The following CDK7 variants were observed in gnomAD, a reference collection of about 807,000 sequenced individuals.
CDK7 encodes the protein cyclin-dependent kinase 7.
CDK7 carries 25 observed loss-of-function variants against 49.1 expected under a neutral mutation model. That is an observed-to-expected ratio of 0.51 (90% confidence interval 0.37 to 0.71). CDK7 has a LOEUF of 0.71. CDK7 is among the 30% of genes least tolerant of loss of function. CDK7 has a pLI of 0.00. For missense variants in CDK7, 316 were observed against 411.7 expected (o/e 0.77, Z 2.01); for synonymous variants, 107 against 140.0 (o/e 0.76, Z 1.67).
At chr5:69,236,239 T>TAAA (rs35402446) in intron 2 of CDK7, among the ~76,000 whole-genome samples, 1 of 136,642 alleles carries the variant, frequency 7.3e-6, no homozygotes, top group African/African-American at 2.6e-5. Context: ...GACTCCATCT[T>TAAA]AAAAAAAAAA....
intron 5 of CDK7, among the ~76,000 whole-genome samples, chr5:69,257,261 G>A (rs1177024750): frequency 6.6e-6 from 1 of 152,112 alleles, no homozygotes; most frequent in African/African-American, 2.4e-5. Flanking sequence ...GTGGTTACAT[G>A]ACTGGATGCA....
chr5:69,262,591 C>T (rs1750900488), intron 8 of CDK7, among the ~76,000 whole-genome samples: 1 of 151,326 alleles, frequency 6.6e-6, no homozygotes, highest in Non-Finnish European at 1.5e-5. Flanking sequence ...ATCGCTTGAA[C>T]CTGGGAGGCA....
chr5:69,252,576 C>G (rs1200380730), intron 3 of CDK7, 125 bp downstream of exon 3: 1 of 604,530 alleles, frequency 1.7e-6, no homozygotes, highest in Non-Finnish European at 2.8e-6. Flanking sequence ...GAGACACAAT[C>G]GTAGCTCACT....
At chr5:69,242,338 A>G (rs2171148) in intron 2 of CDK7, among the ~76,000 whole-genome samples, 91,603 of 151,856 alleles carry the variant, frequency 0.6, 28,160 homozygotes, top group African/African-American at 0.72. Context: ...AAAATTGTAG[A>G]GAGTTGAAAC....
At chr5:69,253,153 AT>A (rs1750259144) in intron 3 of CDK7, among the ~76,000 whole-genome samples, 4 of 152,202 alleles carry the variant, frequency 2.6e-5, no homozygotes, top group Non-Finnish European at 4.4e-5. Flanking sequence ...ACATGAGGAA[AT>A]TATTTCATTA....
At chr5:69,260,494 T>C (rs191082056) in intron 7 of CDK7, among the ~76,000 whole-genome samples, 1 of 152,370 alleles carries the variant, frequency 6.6e-6, no homozygotes, top group African/African-American at 2.4e-5. Flanking sequence ...GAACAATTTA[T>C]ACTTTAACAT....
At chr5:69,240,774 C>A (rs1749315134) in intron 2 of CDK7, among the ~76,000 whole-genome samples, 2 of 152,094 alleles carry the variant, frequency 1.3e-5, no homozygotes, top group Admixed American at 1.3e-4. Flanking sequence ...ATTACAGACA[C>A]ATGCCACCAC....
At chr5:69,253,944 C>CA (rs1191240493) in intron 3 of CDK7, among the ~76,000 whole-genome samples, 1 of 151,754 alleles carries the variant, frequency 6.6e-6, no homozygotes, top group Non-Finnish European at 1.5e-5. Context: ...AACGAAAATA[C>CA]AAAAAATTAG....
intron 5 of CDK7, among the ~76,000 whole-genome samples, chr5:69,256,503 A>G (rs547696423): frequency 2.4e-4 from 36 of 151,920 alleles, no homozygotes; most frequent in Non-Finnish European, 4.7e-4. Context: ...ACAAGCGCCC[A>G]TCACCATGCC....
At chr5:69,256,663 A>G (rs911675696) in intron 5 of CDK7, among the ~76,000 whole-genome samples, 11 of 152,114 alleles carry the variant, frequency 7.2e-5, no homozygotes, top group African/African-American at 2.7e-4. Flanking sequence ...ATAAATACCT[A>G]GCAGTGGTAT....
At chr5:69,244,397 C>T (rs1045629692) in intron 2 of CDK7, among the ~76,000 whole-genome samples, 1 of 151,912 alleles carries the variant, frequency 6.6e-6, no homozygotes, top group Non-Finnish European at 1.5e-5. Context: ...GTGGCTCATG[C>T]CTGTAATACC....
intron 3 of CDK7, among the ~76,000 whole-genome samples, chr5:69,252,921 G>C (rs1750245618): frequency 6.6e-6 from 1 of 152,190 alleles, no homozygotes; most frequent in African/African-American, 2.4e-5. Flanking sequence ...ACTCAGCATA[G>C]AGAAGGAGTA....
At position 69,277,284 on chromosome 5, in the gene CDK7, T is replaced by TA; in HGVS notation, c.*152dup. ...ATGTAAAACTATGGGTTATTTTTAT[T>TA]AAATGTATTTTAAAATAAAAATTTA... On this transcript the variant is annotated 3_prime_UTR_variant, in exon 12 of 12. Transcript: ENST00000256443. 1 of 457,736 alleles carries TA rather than the reference T, an allele frequency of 2.2e-6. No individual in the cohort carries two copies. The highest frequency in any genetic ancestry group is 3.8e-6 in the Non-Finnish European group (1 of 261,350). 28.4% of individuals were successfully genotyped at this position (457,736 alleles called of 1,614,324 possible).
At position 69,234,891 on chromosome 5, in the gene CDK7, G is replaced by A. The variant is rs1748836405; in HGVS notation, c.-85G>A. 2.3e-6 allele frequency: 3 copies of A among 1,318,888 alleles called. No homozygotes were observed. The highest frequency in any genetic ancestry group is 2.0e-5 in the Admixed American group (1 of 49,870). The allele number at this position is 1,318,888 out of a possible 1,614,324, so 81.7% of individuals were successfully genotyped here. ...GACGGAGCCCGGTGGACGGAAGTGG[G>A]TGTTGGAGGCTTTAAGGTAGCTTTA... On this transcript the variant is annotated 5_prime_UTR_variant, in exon 1 of 12. It adds an upstream start codon to the 5' untranslated region. Transcript: ENST00000256443.
In CDK7 at chr5:69,248,803, T is replaced by C. The variant is rs1291294907; in HGVS notation, c.127-3615T>C. ...TAACCTTCTTTTCTTTTTTTTTTTCTTTTTTTTTTTTTTTTTGGAGACGGA... is the reference window on the plus strand; with the variant it reads ...TAACCTTCTTTTCTTTTTTTTTTTCCTTTTTTTTTTTTTTTTGGAGACGGA... On this transcript the variant is annotated intron_variant, in intron 2 of 11. Coordinates refer to ENST00000256443, the MANE Select transcript of CDK7 (RefSeq NM_001799.4). Among the ~76,000 whole-genome samples the C allele has an allele frequency of 7.5e-3, 404 of 54,062 alleles. 2 individuals carry two copies. Among genetic ancestry groups the C allele is most frequent in the Non-Finnish European group, 0.014 (334 of 24,330 alleles). 35.5% of individuals were successfully genotyped at this position (54,062 alleles called of 152,430 possible).
intron 2 of CDK7, among the ~76,000 whole-genome samples, chr5:69,242,772 G>A (rs1005172337): frequency 2.6e-5 from 4 of 152,114 alleles, no homozygotes; most frequent in Non-Finnish European, 5.9e-5. Context: ...AGGGCCAGGC[G>A]CAGTGGCTCA....
chr5:69,234,850 G>C, upstream of CDK7: 1 of 937,030 alleles, frequency 1.1e-6, no homozygotes, highest in South Asian at 1.5e-5. Flanking sequence ...CGGAAGTGAG[G>C]CGGGGATACT....
Position 69,261,768 on chromosome 5 carries a change from A to T in CDK7, c.528-437A>T, listed in dbSNP as rs575150010. Among the ~76,000 whole-genome samples, 19 of 152,180 alleles carry T rather than the reference A, an allele frequency of 1.2e-4. No homozygotes were observed. The South Asian group carries it at 3.7e-3, about 30-fold the overall frequency. On this transcript the variant is annotated intron_variant, in intron 7 of 11. Coordinates refer to ENST00000256443, the MANE Select transcript of CDK7 (RefSeq NM_001799.4). The stretch of plus-strand genomic sequence containing the variant: ...CTGGTCTCAAACTCCTGACCTCGTG[A>T]TCCGCCCGCCTCGGCCTCCCAAAGT...
At chr5:69,244,393 C>T (rs530765343) in intron 2 of CDK7, among the ~76,000 whole-genome samples, 62 of 152,076 alleles carry the variant, frequency 4.1e-4, no homozygotes, top group African/African-American at 1.4e-3. Context: ...TGTGGTGGCT[C>T]ATGCCTGTAA....
Sources: allele counts gnomAD v4.1 joint callset (sites outside exome capture counted in the v4.1 genomes callset), GRCh38; gene constraint gnomAD v4.1.1; transcripts MANE v1.5; gene names NCBI Gene and HGNC (gene_info 2026-07-23, HGNC 2026-07-21).